Variants in PRKACB observed in about 807,000 individuals in gnomAD.
The protein encoded by PRKACB is cAMP-dependent protein kinase catalytic subunit beta.
Under a neutral mutation model 51.4 loss-of-function variants are expected in PRKACB, and 16 were observed. That is an observed-to-expected ratio of 0.31 (90% confidence interval 0.21 to 0.47). The LOEUF is 0.47. Among genes scored for constraint, PRKACB ranks in the 20% least tolerant of loss-of-function variants. PRKACB has a pLI of 1.00. For missense variants in PRKACB, 309 were observed against 464.5 expected, an observed-to-expected ratio of 0.67 and a Z score of 3.08; for synonymous variants, 147 against 154.4, an observed-to-expected ratio of 0.95 and a Z score of 0.35.
chr1:84,114,809 C>T (rs1413841100), intron 1 of PRKACB, among the ~76,000 whole-genome samples: 3 of 152,128 alleles, frequency 2.0e-5, no homozygotes, highest in Non-Finnish European at 4.4e-5. Context: ...TTGTGTCTGG[C>T]TTATTTCAGT....
chr1:84,190,741 A>G (rs1194596004), intron 5 of PRKACB, among the ~76,000 whole-genome samples: 1 of 152,026 alleles, frequency 6.6e-6, no homozygotes, highest in Non-Finnish European at 1.5e-5. Context: ...TTTGTTAGTA[A>G]CTTTTTAGTA....
chr1:84,198,167 A>G (rs990422561), intron 7 of PRKACB, among the ~76,000 whole-genome samples: 1 of 152,148 alleles, frequency 6.6e-6, no homozygotes, highest in Non-Finnish European at 1.5e-5. Context: ...GTAAATCTAG[A>G]GATGATATGT....
chr1:84,229,846 G>A (rs1242715504), intron 9 of PRKACB, among the ~76,000 whole-genome samples: 1 of 152,110 alleles, frequency 6.6e-6, no homozygotes, highest in Non-Finnish European at 1.5e-5. Flanking sequence ...TTTGTCAGAT[G>A]AGTAGGTTGC....
At chr1:84,131,743 G>T (rs115276423) in intron 1 of PRKACB, among the ~76,000 whole-genome samples, 352 of 152,276 alleles carry the variant, frequency 2.3e-3, no homozygotes, top group African/African-American at 8.0e-3. Flanking sequence ...GCCATAAATT[G>T]GTGGGAACAT....
Position 84,081,506 on chromosome 1 carries a change from T to C in PRKACB, c.46+3135T>C, listed in dbSNP as rs548833653. Among the ~76,000 whole-genome samples the C allele has an allele frequency of 3.9e-5, 6 of 152,318 alleles. No homozygotes were observed. In the East Asian group the frequency reaches 7.7e-4, roughly 20 times the overall value. On this transcript the variant is annotated intron_variant, in intron 1 of 8. Coordinates refer to the PRKACB transcript ENST00000370688. ...GTTTTTAAAATTACTCTTGAAGATA[T>C]ATTCCTTTTAAAATTTGGGCGTAGT...
exon 1 of PRKACB, chr1:84,078,209 A>G: frequency 8.5e-7 from 1 of 1,177,814 alleles, no homozygotes; most frequent in Non-Finnish European, 1.2e-6. Flanking sequence ...CGCCAGCGCT[A>G]GGCGCACTCA....
At chr1:84,183,456 A>C (rs1319256465) in intron 3 of PRKACB, among the ~76,000 whole-genome samples, 1 of 151,742 alleles carries the variant, frequency 6.6e-6, no homozygotes, top group East Asian at 1.9e-4. Context: ...AATTTTTAGA[A>C]TTTATACCTA....
intron 1 of PRKACB, among the ~76,000 whole-genome samples, chr1:84,095,099 A>G (rs1314428160): frequency 6.6e-6 from 1 of 151,928 alleles, no homozygotes; most frequent in East Asian, 1.9e-4. Context: ...GCACTCTATG[A>G]TGTTCGTACA....
At chr1:84,210,304 A>G (rs1671939282) in intron 8 of PRKACB, among the ~76,000 whole-genome samples, 1 of 152,214 alleles carries the variant, frequency 6.6e-6, no homozygotes, top group Non-Finnish European at 1.5e-5. Flanking sequence ...TATATCACAA[A>G]CACCTCTTTT....
chr1:84,095,577 GC>G (rs1177775995), intron 1 of PRKACB, among the ~76,000 whole-genome samples: 4 of 151,228 alleles, frequency 2.6e-5, no homozygotes, highest in Admixed American at 2.6e-4. Context: ...TTTTCTCTTT[GC>G]CTTTGGTTTT....
chr1:84,118,217 C>G (rs1650787513), intron 1 of PRKACB, among the ~76,000 whole-genome samples: 1 of 152,148 alleles, frequency 6.6e-6, no homozygotes, highest in Non-Finnish European at 1.5e-5. Context: ...ACCAAGCGGG[C>G]CACTTGCTTC....
chr1:84,172,142 GATGCT>G (rs1659715074), intron 1 of PRKACB, among the ~76,000 whole-genome samples: 1 of 151,516 alleles, frequency 6.6e-6, no homozygotes, highest in Non-Finnish European at 1.5e-5. Context: ...ACAATAAATT[GATGCT>G]ACCATTTACT....
At chr1:84,202,900 C>A in intron 8 of PRKACB, 95 bp downstream of exon 8, 3 of 1,091,648 alleles carry the variant, frequency 2.7e-6, no homozygotes, top group Non-Finnish European at 3.7e-6. Flanking sequence ...TATTATTCTA[C>A]ATTGGGAAAA....
At chr1:84,211,797 TA>T (rs1468638251) in intron 8 of PRKACB, among the ~76,000 whole-genome samples, 1 of 152,170 alleles carries the variant, frequency 6.6e-6, no homozygotes, top group Non-Finnish European at 1.5e-5. Context: ...TTTTGGATTT[TA>T]TGAGCCAGTA....
At chr1:84,156,942 A>G (rs1655574766) in intron 1 of PRKACB, among the ~76,000 whole-genome samples, 1 of 152,062 alleles carries the variant, frequency 6.6e-6, no homozygotes. Flanking sequence ...CTCTGTAGTC[A>G]CTTGGATTTA....
At chr1:84,099,598 A>G (rs1246741206) in intron 1 of PRKACB, among the ~76,000 whole-genome samples, 1 of 151,960 alleles carries the variant, frequency 6.6e-6, no homozygotes, top group Non-Finnish European at 1.5e-5. Flanking sequence ...GGAGCTAGCT[A>G]CTTAGGGGAC....
chr1:84,133,990 G>A (rs1389221249), intron 1 of PRKACB, among the ~76,000 whole-genome samples: 1 of 152,212 alleles, frequency 6.6e-6, no homozygotes, highest in Non-Finnish European at 1.5e-5. Flanking sequence ...AGTAAGTGTG[G>A]GGGATTTTAT....
At chr1:84,135,337 T>G (rs1652692938) in intron 1 of PRKACB, among the ~76,000 whole-genome samples, 1 of 152,188 alleles carries the variant, frequency 6.6e-6, no homozygotes. Context: ...AGTTGAAGAC[T>G]TCAACACTCT....
intron 9 of PRKACB, 136 bp downstream of exon 9, chr1:84,214,453 C>A: frequency 3.8e-6 from 3 of 798,772 alleles, no homozygotes; most frequent in Non-Finnish European, 5.3e-6. Context: ...ATCTAAAGTA[C>A]TTTACAGCCC....
Sources: allele counts gnomAD v4.1 joint callset (sites outside exome capture counted in the v4.1 genomes callset), GRCh38; gene constraint gnomAD v4.1.1; transcripts MANE v1.5; gene names NCBI Gene and HGNC (gene_info 2026-07-23, HGNC 2026-07-21).